Variants in PCDHGA3 observed in about 807,000 individuals in gnomAD.
The protein encoded by PCDHGA3 is protocadherin gamma-A3.
Under a neutral mutation model 58.5 loss-of-function variants are expected in PCDHGA3, and 40 were observed. The ratio of observed to expected loss-of-function variants is 0.68; its 90% CI spans 0.53 to 0.89. PCDHGA3 has a LOEUF of 0.89. PCDHGA3 is among the 40% of genes least tolerant of loss of function. The pLI is 0.00. For missense variants in PCDHGA3, 1,223 were observed against 1,195.9 expected, an observed-to-expected ratio of 1.02 and a Z score of -0.33; for synonymous variants, 530 against 525.7, an observed-to-expected ratio of 1.01 and a Z score of -0.11.
intron 1 of PCDHGA3, chr5:141,414,623 C>G: frequency 6.2e-7 from 1 of 1,613,938 alleles, no homozygotes; most frequent in South Asian, 1.1e-5. Context: ...GCGCTGGACC[C>G]GGACAGCAAA....
At chr5:141,389,766 C>A (rs1217222336) in intron 1 of PCDHGA3, 1 of 1,613,060 alleles carries the variant, frequency 6.2e-7, no homozygotes, top group East Asian at 2.2e-5. Flanking sequence ...GCGCACAGCG[C>A]GTGCCTTAGG....
At chr5:141,447,947 A>G (rs2098555998) in intron 1 of PCDHGA3, among the ~76,000 whole-genome samples, 1 of 151,958 alleles carries the variant, frequency 6.6e-6, no homozygotes, top group South Asian at 2.1e-4. Flanking sequence ...TTAGCTGGGC[A>G]TGGTGGCGGA....
At chr5:141,401,610 A>AC (rs1186420148) in intron 1 of PCDHGA3, among the ~76,000 whole-genome samples, 1 of 152,212 alleles carries the variant, frequency 6.6e-6, no homozygotes, top group Non-Finnish European at 1.5e-5. Flanking sequence ...GGAAAAAGAC[A>AC]CCGGATTTGT....
intron 1 of PCDHGA3, chr5:141,372,520 T>G (rs371229591): frequency 3.7e-6 from 6 of 1,613,950 alleles, no homozygotes; most frequent in Non-Finnish European, 5.1e-6. Flanking sequence ...GCGGTGATTC[T>G]GGCAATCTCC....
rs374478954 is a variant in PCDHGA3 at position 141,370,771 on chromosome 5, T to C, written c.2424+24314T>C. The C allele has an allele frequency of 2.0e-5, 33 of 1,614,000 alleles. No homozygotes were observed. The African/African-American group carries it at 3.9e-4, about 19-fold the overall frequency. On this transcript the variant is annotated intron_variant, in intron 1 of 3. Coordinates refer to ENST00000253812, the MANE Select transcript of PCDHGA3 (RefSeq NM_018916.4). Reference sequence around the variant, plus strand: ...CATGTAACTGTGCTGATCCAGGATATTAACGACAACCCACCGACCTTTAGC... The same window carrying C: ...CATGTAACTGTGCTGATCCAGGATACTAACGACAACCCACCGACCTTTAGC...
intron 1 of PCDHGA3, chr5:141,442,421 T>G (rs1288481455): frequency 1.3e-5 from 2 of 152,290 alleles, no homozygotes; most frequent in East Asian, 3.9e-4. Flanking sequence ...TGAACTTCTT[T>G]TTTGAATCCC....
chr5:141,393,900 G>C (rs1048161107), intron 1 of PCDHGA3: 1 of 1,613,906 alleles, frequency 6.2e-7, no homozygotes, highest in Non-Finnish European at 8.5e-7. Context: ...TTCTCTTCCC[G>C]GGACAGTAAT....
At chr5:141,384,183 A>G (rs1779806989) in intron 1 of PCDHGA3, 11 of 1,613,812 alleles carry the variant, frequency 6.8e-6, no homozygotes, top group Non-Finnish European at 9.3e-6. Context: ...CAGATGGTGG[A>G]ACTCCTCCCT....
At chr5:141,418,423 T>G (rs1469880702) in intron 1 of PCDHGA3, 1 of 1,613,868 alleles carries the variant, frequency 6.2e-7, no homozygotes. Flanking sequence ...ATCCTGATGG[T>G]GGCAAATATC....
intron 1 of PCDHGA3, chr5:141,383,671 G>T: frequency 6.2e-7 from 1 of 1,613,998 alleles, no homozygotes; most frequent in Non-Finnish European, 8.5e-7. Flanking sequence ...TGTGCCAGTG[G>T]GTACAAGACT....
At chr5:141,503,502 G>A (rs750139098) in intron 2 of PCDHGA3, among the ~76,000 whole-genome samples, 5 of 151,828 alleles carry the variant, frequency 3.3e-5, no homozygotes, top group Admixed American at 2.0e-4. Context: ...AAGAGGCTGA[G>A]GCAGGAGAAT....
At chr5:141,419,635 G>A in intron 1 of PCDHGA3, 1 of 1,612,480 alleles carries the variant, frequency 6.2e-7, no homozygotes, top group African/African-American at 1.3e-5. Flanking sequence ...CCAAGGTGGT[G>A]GCCGTGGACG....
At chr5:141,395,067 A>G (rs1200049263) in intron 1 of PCDHGA3, 4 of 1,613,888 alleles carry the variant, frequency 2.5e-6, no homozygotes, top group South Asian at 1.1e-5. Context: ...TTTCCTGCAG[A>G]CCTATTCCCA....
At position 141,477,706 on chromosome 5, in the gene PCDHGA3, G is replaced by A. The variant is rs1490514142; in HGVS notation, c.2425-17101G>A. 6 of 1,613,988 alleles carry A rather than the reference G, an allele frequency of 3.7e-6. No homozygotes were observed. Among genetic ancestry groups the A allele is most frequent in the Non-Finnish European group, 5.1e-6 (6 of 1,180,044 alleles). ...TAGTGCCCCTAGACTATGAGGATCGGCGGGAATTTGAATTAACAGCTCATA... is the reference window on the plus strand; with the variant it reads ...TAGTGCCCCTAGACTATGAGGATCGACGGGAATTTGAATTAACAGCTCATA... On this transcript the variant is annotated intron_variant, in intron 1 of 3. Transcript: ENST00000253812. This position sits in a 1 kb window ranked among gnomAD's most constrained non-coding sequence, Gnocchi z 4.9.
chr5:141,503,343 T>C (rs558650835), intron 2 of PCDHGA3, among the ~76,000 whole-genome samples: 87 of 152,106 alleles, frequency 5.7e-4, no homozygotes, highest in South Asian at 1.2e-3. Flanking sequence ...ACGCCTGTAA[T>C]TCCAGCACTT....
At chr5:141,360,311 G>C (rs578188210) in intron 1 of PCDHGA3, 5 of 1,613,818 alleles carry the variant, frequency 3.1e-6, no homozygotes, top group Non-Finnish European at 4.2e-6. Context: ...CTCAGCGTCC[G>C]GGACTTGCCA....
chr5:141,432,642 C>T lies in PCDHGA3; in HGVS notation c.2425-62165C>T, dbSNP rs746251093. 7.4e-6 allele frequency: 12 copies of T among 1,613,784 alleles called. No individual in the cohort carries two copies. The highest frequency in any genetic ancestry group is 2.7e-5 in the African/African-American group (2 of 75,056). ...GGTCTGCACACGGGCGAGGTGCGCA[C>T]GGCGCGAGCCCTGCTGGACAGAGAC... On this transcript the variant is annotated intron_variant, in intron 1 of 3. Coordinates refer to ENST00000253812, the MANE Select transcript of PCDHGA3 (RefSeq NM_018916.4). This position sits in a 1 kb window ranked among gnomAD's most constrained non-coding sequence, Gnocchi z 6.0.
At chr5:141,454,320 C>G (rs140074578) in intron 1 of PCDHGA3, among the ~76,000 whole-genome samples, 4 of 152,148 alleles carry the variant, frequency 2.6e-5, no homozygotes, top group Admixed American at 2.6e-4. Context: ...ATTGAAACCT[C>G]CAAGAATAAA....
chr5:141,509,882 G>A (rs1374735632), intron 3 of PCDHGA3, among the ~76,000 whole-genome samples: 1 of 152,182 alleles, frequency 6.6e-6, no homozygotes. Context: ...GGTGGTGATG[G>A]TGACTGACTG....
Sources: gnomAD v4.1 joint callset for allele counts (sites outside exome capture counted in the v4.1 genomes callset) on GRCh38, gnomAD v4.1.1 for gene constraint, Gnocchi (gnomAD v3.1) non-coding constraint, MANE v1.5 for transcripts, NCBI Gene and HGNC (gene_info 2026-07-23, HGNC 2026-07-21) for gene names.